Variants in SMAD3 observed in about 807,000 individuals in gnomAD.
The protein encoded by SMAD3 is SMAD family member 3, also known as MAD homolog 3.
A neutral mutation model predicts 51.8 loss-of-function variants in SMAD3; 12 were observed. That is an observed-to-expected ratio of 0.23 (90% CI 0.15 to 0.38). SMAD3 has a LOEUF of 0.38. Ranked by LOEUF, SMAD3 falls within the 10% of genes least tolerant of loss-of-function variation. The pLI, the probability that SMAD3 is intolerant of heterozygous loss-of-function variation, is 1.00. For synonymous variants in SMAD3, 238 were observed against 227.7 expected, an observed-to-expected ratio of 1.05 and a Z score of -0.41; for missense variants, 294 against 565.6, an observed-to-expected ratio of 0.52 and a Z score of 4.87.
intron 1 of SMAD3, among the ~76,000 whole-genome samples, chr15:67,164,111 A>T (rs923817326): frequency 4.6e-5 from 7 of 151,956 alleles, no homozygotes; most frequent in Non-Finnish European, 8.8e-5. Context: ...GGAGATCGAG[A>T]CCATCCTGGC....
chr15:67,146,860 G>C (rs1177503803), intron 1 of SMAD3: 1 of 152,252 alleles, frequency 6.6e-6, no homozygotes, highest in Non-Finnish European at 1.5e-5. Context: ...AAACTCGGAA[G>C]TAGCGGGGTT....
intron 5 of SMAD3, among the ~76,000 whole-genome samples, chr15:67,175,289 G>T (rs1160887887): frequency 6.6e-6 from 1 of 152,208 alleles, no homozygotes; most frequent in East Asian, 1.9e-4. Context: ...AGGAGGTGAT[G>T]GCTTCCAGAG....
At chr15:67,080,674 C>A (rs1275924288) in intron 1 of SMAD3, among the ~76,000 whole-genome samples, 1 of 152,150 alleles carries the variant, frequency 6.6e-6, no homozygotes, top group African/African-American at 2.4e-5. Context: ...TTTGGAAGGC[C>A]TTGAGGAAGG....
intron 1 of SMAD3, among the ~76,000 whole-genome samples, chr15:67,106,149 G>A (rs1960873016): frequency 6.6e-6 from 1 of 152,064 alleles, no homozygotes; most frequent in African/African-American, 2.4e-5. Flanking sequence ...TGGTCTCCCT[G>A]CCTGTACCCT....
intron 1 of SMAD3, among the ~76,000 whole-genome samples, chr15:67,080,626 G>C (rs1236899582): frequency 6.6e-6 from 1 of 152,226 alleles, no homozygotes; most frequent in Non-Finnish European, 1.5e-5. Flanking sequence ...TATTGGCTGG[G>C]AGTGGTGAAA....
At chr15:67,069,219 A>G (rs1478624915) in intron 1 of SMAD3, among the ~76,000 whole-genome samples, 1 of 152,218 alleles carries the variant, frequency 6.6e-6, no homozygotes, top group Non-Finnish European at 1.5e-5. Context: ...ACTTATCGAC[A>G]TAAAGAAGGT....
At chr15:67,095,130 A>G (rs890117762) in intron 1 of SMAD3, among the ~76,000 whole-genome samples, 3 of 152,198 alleles carry the variant, frequency 2.0e-5, no homozygotes, top group African/African-American at 7.2e-5. Flanking sequence ...GGTGTTAAGC[A>G]TATCAAAAGA....
chr15:67,116,452 C>T (rs1179017804), intron 1 of SMAD3, among the ~76,000 whole-genome samples: 1 of 152,212 alleles, frequency 6.6e-6, no homozygotes. Context: ...GGATCCATCT[C>T]GGGCACAGGG....
chr15:67,183,218 A>G (rs1207738773), intron 6 of SMAD3, among the ~76,000 whole-genome samples: 2 of 150,188 alleles, frequency 1.3e-5, no homozygotes, highest in Non-Finnish European at 3.0e-5. Flanking sequence ...AATTTTTTGT[A>G]TTTTTAGTAG....
chr15:67,125,789 G>A, intron 1 of SMAD3: 3 of 985,558 alleles, frequency 3.0e-6, no homozygotes, highest in Non-Finnish European at 3.6e-6. Flanking sequence ...CTGGGGTTAG[G>A]TCACTGCTGG....
intron 1 of SMAD3, chr15:67,143,130 A>G (rs1415836622): frequency 5.3e-6 from 1 of 190,238 alleles, no homozygotes; most frequent in Non-Finnish European, 1.1e-5. Flanking sequence ...TGAGCATGTC[A>G]GCCAGAATGG....
At chr15:67,153,480 G>A (rs866259520) in intron 1 of SMAD3, among the ~76,000 whole-genome samples, 101 of 121,208 alleles carry the variant, frequency 8.3e-4, no homozygotes, top group Admixed American at 1.4e-3. Context: ...GCAAAACTCC[G>A]TCTTGGGGGG....
rs75310666 is a variant in SMAD3 at position 67,118,682 on chromosome 15, A to G, written c.207-46213A>G. 6.6e-3 allele frequency among the ~76,000 whole-genome samples: 1,008 copies of G among 152,314 alleles called. 5 individuals are homozygous for G. The highest frequency in any genetic ancestry group is 0.011 in the Non-Finnish European group (776 of 68,020). ...CTAGGTAAGGCTTCACAGTCTCTCAATGTGATGTGGGTGTCCTGAGTCGTG... is the reference window on the plus strand; with the variant it reads ...CTAGGTAAGGCTTCACAGTCTCTCAGTGTGATGTGGGTGTCCTGAGTCGTG... On this transcript the variant is annotated intron_variant, in intron 1 of 8. Coordinates refer to ENST00000327367, the MANE Select transcript of SMAD3 (RefSeq NM_005902.4).
chr15:67,074,942 T>G (rs1261055906), intron 1 of SMAD3, among the ~76,000 whole-genome samples: 2 of 152,196 alleles, frequency 1.3e-5, no homozygotes, highest in African/African-American at 4.8e-5. Flanking sequence ...TACAGAGTTA[T>G]GAATCTGGTC....
chr15:67,098,756 C>T (rs1478905885), intron 1 of SMAD3: 3 of 638,070 alleles, frequency 4.7e-6, no homozygotes, highest in African/African-American at 1.8e-5. Flanking sequence ...GAGGCCTCCA[C>T]AGCCCCCGGA....
intron 8 of SMAD3, among the ~76,000 whole-genome samples, chr15:67,188,595 G>T (rs916045133): frequency 3.3e-5 from 5 of 152,148 alleles, no homozygotes; most frequent in African/African-American, 1.2e-4. Flanking sequence ...GTGTGCCCCC[G>T]CCTTCTGCTC....
chr15:67,166,929 T>C (rs1436819907), intron 4 of SMAD3, 76 bp downstream of exon 4: 1 of 1,149,416 alleles, frequency 8.7e-7, no homozygotes, highest in African/African-American at 1.5e-5. Flanking sequence ...TCCCTTCCTC[T>C]TCGCCCTCTC....
rs886051421 is a variant in SMAD3 at position 67,193,427 on chromosome 15, C to T, written c.*2891C>T. ...AAGGAGCCAACTTTTATTCCCTTTC[C>T]TCTCTCCCCTCCCCACCTCGCTTCT... On this transcript the variant is annotated 3_prime_UTR_variant, in exon 9 of 9. Transcript: ENST00000327367. 1 of 233,762 alleles carries T rather than the reference C, an allele frequency of 4.3e-6. No individual in the cohort carries two copies. The highest frequency in any genetic ancestry group is 1.8e-4 in the South Asian group (1 of 5,532). The allele number at this position is 233,762 out of a possible 1,614,324, so 14.5% of individuals were successfully genotyped here.
intron 1 of SMAD3, among the ~76,000 whole-genome samples, chr15:67,124,485 A>G (rs1037364742): frequency 1.3e-5 from 2 of 152,126 alleles, no homozygotes; most frequent in African/African-American, 4.8e-5. Context: ...GAGAAGATGG[A>G]CTTGTTGAGG....
Sources: allele counts gnomAD v4.1 joint callset (sites outside exome capture counted in the v4.1 genomes callset), GRCh38; gene constraint gnomAD v4.1.1; transcripts MANE v1.5; gene names NCBI Gene and HGNC (gene_info 2026-07-23, HGNC 2026-07-21).